MGST1: variants seen among roughly 807,000 people sequenced by gnomAD.
The protein encoded by MGST1 is glutathione S-transferase 12.
MGST1 carries 5 observed loss-of-function variants against 8.9 expected under a neutral mutation model. The ratio of observed to expected loss-of-function variants is 0.56; its 90% CI spans 0.29 to 1.19. MGST1 has a LOEUF of 1.19. Among genes scored for constraint, MGST1 ranks in the 50% most tolerant of loss-of-function variants. MGST1 has a pLI of 0.08. For missense variants in MGST1, 182 were observed against 187.4 expected (o/e 0.97, Z 0.17); for synonymous variants, 54 against 67.8 (o/e 0.80, Z 1.00).
downstream of MGST1, among the ~76,000 whole-genome samples, chr12:16,365,862 T>G (rs1298512606): frequency 6.6e-6 from 1 of 152,260 alleles, no homozygotes; most frequent in Non-Finnish European, 1.5e-5. Flanking sequence ...CTTTTCTGTA[T>G]GTGGAGCAAT....
intron 1 of MGST1, chr12:16,399,775 A>G (rs374854221): frequency 1.7e-6 from 2 of 1,181,462 alleles, no homozygotes; most frequent in African/African-American, 3.0e-5. Flanking sequence ...CAGGAATTCA[A>G]CCATTCCTTG....
chr12:16,564,610 C>T (rs1942526298), intron 4 of MGST1, among the ~76,000 whole-genome samples: 1 of 152,102 alleles, frequency 6.6e-6, no homozygotes, highest in Non-Finnish European at 1.5e-5. Context: ...TTAACCAGGT[C>T]AGTGGCTCAA....
rs184076871 is a variant in MGST1, at chr12:16,589,237, G to A, written n.483-291G>A. The stretch of plus-strand genomic sequence containing the variant: ...ATATTCACAGAAGATTATAACAACA[G>A]TAGATGAATGCATCCTAATAGGAAT... On this transcript the variant is annotated intron_variant and non_coding_transcript_variant, in intron 4 of 4. Coordinates refer to the MGST1 transcript ENST00000538857. This position sits in a 1 kb window ranked among gnomAD's most constrained non-coding sequence, Gnocchi z 4.2. Among the ~76,000 whole-genome samples, 1 of 152,190 alleles carries A rather than the reference G, an allele frequency of 6.6e-6. No homozygotes were observed. Among genetic ancestry groups the A allele is most frequent in the Admixed American group, 6.5e-5 (1 of 15,268 alleles).
chr12:16,352,837 C>G (rs913705673), intron 1 of MGST1, among the ~76,000 whole-genome samples: 4 of 152,140 alleles, frequency 2.6e-5, no homozygotes, highest in Non-Finnish European at 5.9e-5. Flanking sequence ...CTTGCATTTG[C>G]AAGCCTGTTT....
rs941403063 is a variant in MGST1 at position 16,451,338 on chromosome 12, AGG to A, written n.482+67739_482+67740del. 6.6e-5 allele frequency among the ~76,000 whole-genome samples: 10 copies of A among 151,980 alleles called. No homozygotes were observed. In the East Asian group the frequency reaches 2.0e-3, roughly 30 times the overall value. On this transcript the variant is annotated intron_variant and non_coding_transcript_variant, in intron 4 of 4. Transcript: ENST00000538857. ...ATGAGGCTAAAACAGTGGTATGCAT[AGG>A]GGGGTTTATTTTTACTATCCTTTAA...
At chr12:16,474,951 CAGAG>C (rs576780241) in intron 4 of MGST1, among the ~76,000 whole-genome samples, 28 of 152,248 alleles carry the variant, frequency 1.8e-4, no homozygotes, top group Middle Eastern at 6.8e-3. Flanking sequence ...ATATACCACT[CAGAG>C]AGAGCACTGC....
intron 1 of MGST1, among the ~76,000 whole-genome samples, chr12:16,386,074 GT>G (rs1940501331): frequency 6.6e-6 from 1 of 152,122 alleles, no homozygotes; most frequent in South Asian, 2.1e-4. Flanking sequence ...CTCTATTTCA[GT>G]TCCCTGTATG....
At chr12:16,487,052 T>C (rs1941403456) in intron 4 of MGST1, among the ~76,000 whole-genome samples, 1 of 152,162 alleles carries the variant, frequency 6.6e-6, no homozygotes, top group South Asian at 2.1e-4. Context: ...ATTTCTCCTA[T>C]AGGAATCTGA....
At chr12:16,530,254 A>G (rs1941713899) in intron 4 of MGST1, among the ~76,000 whole-genome samples, 1 of 152,154 alleles carries the variant, frequency 6.6e-6, no homozygotes, top group Non-Finnish European at 1.5e-5. Context: ...AGTTTTTATC[A>G]TAATACTATT....
chr12:16,560,600 G>A lies in MGST1; in HGVS notation n.483-28928G>A, dbSNP rs1942367169. 3 of 1,449,904 alleles carry A rather than the reference G, an allele frequency of 2.1e-6. No individual in the cohort carries two copies. The highest frequency in any genetic ancestry group is 2.8e-5 in the African/African-American group (2 of 71,088). The allele number at this position is 1,449,904 out of a possible 1,614,324, so 89.8% of individuals were successfully genotyped here. On this transcript the variant is annotated intron_variant and non_coding_transcript_variant, in intron 4 of 4. Transcript: ENST00000538857. This position sits in a 1 kb window ranked among gnomAD's most constrained non-coding sequence, Gnocchi z 5.0. Reference sequence around the variant, plus strand: ...TTACAGAGAAATCTGAGATCGTGAAGAGAGATGATGTTAATATACTCTGTA... The same window carrying A: ...TTACAGAGAAATCTGAGATCGTGAAAAGAGATGATGTTAATATACTCTGTA...
Position 16,401,480 on chromosome 12 carries a change from C to A in MGST1, n.778+17876C>A, listed in dbSNP as rs1437352453. ...CATATCTTCACACCATGTCTTAATTCCTTCAGCAGCTCTTCTTGAAGCTGG... is the reference window on the plus strand; with the variant it reads ...CATATCTTCACACCATGTCTTAATTACTTCAGCAGCTCTTCTTGAAGCTGG... On this transcript the variant is annotated intron_variant and non_coding_transcript_variant, in intron 1 of 1. Transcript: ENST00000359720. The surrounding 1 kb of genome is among the most constrained non-coding windows in gnomAD (Gnocchi z 4.3). 3 of 834,578 alleles carry A rather than the reference C, an allele frequency of 3.6e-6. No homozygotes were observed. Among genetic ancestry groups the A allele is most frequent in the Non-Finnish European group, 6.2e-6 (3 of 483,722 alleles). 51.7% of individuals were successfully genotyped at this position (834,578 alleles called of 1,614,324 possible). A position where few individuals can be genotyped will look rare whatever the true frequency, so the allele number is the denominator to read the frequency against.
Position 16,524,683 on chromosome 12 carries a change from G to T in MGST1, n.483-64845G>T, listed in dbSNP as rs74535035. 6.3e-3 allele frequency among the ~76,000 whole-genome samples: 961 copies of T among 152,014 alleles called. 10 individuals are homozygous for T. The highest frequency in any genetic ancestry group is 0.03 in the South Asian group (142 of 4,806). ...TGTTTGTTCAACCTAAACTTCAAAG[G>T]TACTTTAACTCCAATGTTTTGGTCT... On this transcript the variant is annotated intron_variant and non_coding_transcript_variant, in intron 4 of 4. Transcript: ENST00000538857.
At chr12:16,556,298 T>C (rs1417040471) in intron 4 of MGST1, among the ~76,000 whole-genome samples, 1 of 152,182 alleles carries the variant, frequency 6.6e-6, no homozygotes, top group Admixed American at 6.5e-5. Context: ...AGATTCAAGA[T>C]ATCATAAAAT....
chr12:16,416,751 G>A (rs565882865), intron 1 of MGST1, among the ~76,000 whole-genome samples: 6 of 152,192 alleles, frequency 3.9e-5, no homozygotes, highest in African/African-American at 1.2e-4. Context: ...ATGGCTGAGG[G>A]TGTATATGTA....
chr12:16,573,793 G>A (rs1244948738), intron 4 of MGST1: 2 of 152,146 alleles, frequency 1.3e-5, no homozygotes, highest in African/African-American at 4.8e-5. Flanking sequence ...AAGTTGATCG[G>A]GGGTAGAGAA....
At chr12:16,506,260 G>T (rs1463225559) in intron 4 of MGST1, among the ~76,000 whole-genome samples, 1 of 152,154 alleles carries the variant, frequency 6.6e-6, no homozygotes, top group Non-Finnish European at 1.5e-5. Context: ...ACATGAAGGG[G>T]ATCAGGAGAG....
chr12:16,464,581 G>A (rs543285780), intron 4 of MGST1, among the ~76,000 whole-genome samples: 2 of 152,324 alleles, frequency 1.3e-5, no homozygotes, highest in East Asian at 1.9e-4. Context: ...AAGCAAACTA[G>A]CCTTTTAGAA....
At chr12:16,419,899 T>C (rs952652934) in intron 1 of MGST1, among the ~76,000 whole-genome samples, 6 of 152,110 alleles carry the variant, frequency 3.9e-5, no homozygotes, top group African/African-American at 1.4e-4. Context: ...GCTCCAACAG[T>C]CTAATCAGAG....
chr12:16,427,959 G>A (rs1940904392), intron 1 of MGST1, among the ~76,000 whole-genome samples: 1 of 151,272 alleles, frequency 6.6e-6, no homozygotes, highest in South Asian at 2.1e-4. Context: ...TTCTCTTGAG[G>A]CATTATACAT....
Sources: allele counts gnomAD v4.1 joint callset (sites outside exome capture counted in the v4.1 genomes callset), GRCh38; gene constraint gnomAD v4.1.1; non-coding constraint Gnocchi (gnomAD v3.1); transcripts MANE v1.5; gene names NCBI Gene and HGNC (gene_info 2026-07-23, HGNC 2026-07-21).